METTL22: variants seen among roughly 807,000 people sequenced by gnomAD.
The protein encoded by METTL22 is methyltransferase 22, Kin17 lysine, also known as methyltransferase-like protein 22.
Under a neutral mutation model 48.4 loss-of-function variants are expected in METTL22, and 51 were observed. The ratio of observed to expected loss-of-function variants is 1.05; its 90% CI spans 0.84 to 1.33. The LOEUF is 1.33. Among genes scored for constraint, METTL22 ranks in the 40% most tolerant of loss-of-function variants. The pLI is 0.00. For synonymous variants in METTL22, 255 were observed against 214.1 expected, an observed-to-expected ratio of 1.19 and a Z score of -1.67; for missense variants, 678 against 526.9, an observed-to-expected ratio of 1.29 and a Z score of -2.81.
chr16:8,664,348 G>T, the METTL22 span, among the ~76,000 whole-genome samples: 8 of 152,088 alleles, frequency 5.3e-5, no homozygotes, highest in Non-Finnish European at 1.2e-4. Flanking sequence ...GTTTCACCAT[G>T]TTGGCCAGGC....
rs577765283 is a variant in METTL22, at chr16:8,635,255, G to C, written c.643G>C (p.Gly215Arg). The C allele has an allele frequency of 1.9e-6, 3 of 1,608,224 alleles. No individual in the cohort carries two copies. In the South Asian group the frequency reaches 3.3e-5, roughly 18 times the overall value. The change falls in exon 5 of 11, where the codon GGC becomes CGC. Residue 215 changes from glycine to arginine, a missense_variant. Physicochemically the swap from Gly to Arg is moderately radical, Grantham distance 125 (BLOSUM62 -2). Transcript: ENST00000381920. The part of the protein sequence containing the change: ...RGCTALELGA[G>R]TGLASIIAAT... Reference sequence around the variant, plus strand: ...ATGTACAGCGCTGGAGCTCGGGGCCGGCACGGGGCTCGCTAGCATCATCGC... The same window carrying C: ...ATGTACAGCGCTGGAGCTCGGGGCCCGCACGGGGCTCGCTAGCATCATCGC...
chr16:8,641,719 G>C (rs1027571444), intron 7 of METTL22: 2 of 391,190 alleles, frequency 5.1e-6, no homozygotes, highest in Non-Finnish European at 9.7e-6. Flanking sequence ...AGCACTTTGC[G>C]CACCGTAGGC....
intron 6 of METTL22, 102 bp from the exon 7 acceptor site, chr16:8,641,029 G>C: frequency 1.8e-6 from 2 of 1,083,512 alleles, no homozygotes; most frequent in South Asian, 2.7e-5. Flanking sequence ...AGCAAGGGTG[G>C]GTGGGTGGAT....
chr16:8,643,889 C>T (rs1335818802), intron 9 of METTL22, among the ~76,000 whole-genome samples: 4 of 152,216 alleles, frequency 2.6e-5, no homozygotes, highest in Non-Finnish European at 5.9e-5. Flanking sequence ...ACTGAGATTA[C>T]AGGTGGGAGC....
At chr16:8,651,601 C>T (rs1031661086), downstream of METTL22, among the ~76,000 whole-genome samples, 4 of 152,030 alleles carry the variant, frequency 2.6e-5, no homozygotes, top group South Asian at 4.1e-4. Flanking sequence ...AGCAATCTCT[C>T]CCTCTCTCTA....
intron 6 of METTL22, among the ~76,000 whole-genome samples, chr16:8,640,894 A>AGTTGGGTGGGTGGG (rs1457644420): frequency 4.6e-4 from 4 of 8,718 alleles, no homozygotes; most frequent in Admixed American, 1.6e-3. Context: ...GGGTGGGTGA[A>AGTTGGGTGGGTGGG]TGGATGGATG....
the METTL22 span, among the ~76,000 whole-genome samples, chr16:8,654,857 G>C: frequency 1.7e-4 from 26 of 152,264 alleles, no homozygotes; most frequent in Admixed American, 1.4e-3. Context: ...GGGGAGTGTG[G>C]CCGTGATCTG....
chr16:8,637,554 C>G (rs1045145498), intron 5 of METTL22, among the ~76,000 whole-genome samples: 3 of 152,264 alleles, frequency 2.0e-5, no homozygotes, highest in Non-Finnish European at 4.4e-5. Flanking sequence ...GGGTTCCTAT[C>G]TCTGTTGTCC....
intron 5 of METTL22, among the ~76,000 whole-genome samples, chr16:8,638,276 C>T (rs1251100514): frequency 1.3e-5 from 2 of 152,192 alleles, no homozygotes; most frequent in Non-Finnish European, 2.9e-5. Context: ...TGTGTGACCC[C>T]TGGGGTGCAG....
intron 4 of METTL22, 34 bp from the exon 5 acceptor site, chr16:8,635,134 C>G (rs377271418): frequency 1.2e-6 from 2 of 1,613,708 alleles, no homozygotes; most frequent in Non-Finnish European, 1.7e-6. Context: ...CAGAGCCTCA[C>G]GCTGCTTGTC....
chr16:8,660,818 G>A, the METTL22 span, among the ~76,000 whole-genome samples: 1 of 7,210 alleles, frequency 1.4e-4, no homozygotes, highest in Admixed American at 1.8e-3. Context: ...GGAGGAGGAG[G>A]AGGAGGAGGA....
intron 9 of METTL22, chr16:8,642,930 T>C (rs2056668727): frequency 4.1e-6 from 1 of 241,648 alleles, no homozygotes; most frequent in Non-Finnish European, 8.3e-6. Flanking sequence ...ATGTTCTCTC[T>C]GTGGTGCCGT....
At chr16:8,644,447 C>T (rs891083770) in intron 9 of METTL22, 110 bp from the exon 10 acceptor site, 11 of 1,116,852 alleles carry the variant, frequency 9.8e-6, no homozygotes, top group African/African-American at 1.6e-5. Flanking sequence ...AGTAAAAGCC[C>T]GTCCAGGGGA....
At chr16:8,641,895 C>G (rs2056630335) in intron 7 of METTL22, 1 of 592,772 alleles carries the variant, frequency 1.7e-6, no homozygotes, top group Non-Finnish European at 3.0e-6. Flanking sequence ...CCGCCCGCTG[C>G]TCACTGGCTA....
chr16:8,624,912 C>T (rs886899922), intron 1 of METTL22, among the ~76,000 whole-genome samples: 1 of 151,790 alleles, frequency 6.6e-6, no homozygotes, highest in African/African-American at 2.4e-5. Context: ...AGCTTTATAA[C>T]AACAAATGAT....
chr16:8,646,027 G>GACTGCTCCGTGGCTGACGT, intron 10 of METTL22, 81 bp from the exon 11 acceptor site: 1 of 1,586,918 alleles, frequency 6.3e-7, no homozygotes, highest in Non-Finnish European at 8.6e-7. Context: ...TACTCTCCTT[G>GACTGCTCCGTGGCTGACGT]GTGAATCACT....
intron 7 of METTL22, chr16:8,641,550 G>T (rs1192869538): frequency 4.0e-6 from 2 of 496,506 alleles, no homozygotes; most frequent in African/African-American, 3.9e-5. Flanking sequence ...ACAAACAGTG[G>T]TGCCAGGAAA....
intron 1 of METTL22, among the ~76,000 whole-genome samples, chr16:8,622,151 C>T (rs1013777207): frequency 9.9e-5 from 15 of 152,242 alleles, no homozygotes; most frequent in African/African-American, 3.1e-4. Context: ...CCACTCTACG[C>T]ACCGTGGCCA....
At chr16:8,629,170 C>T (rs916054338) in intron 3 of METTL22, 60 bp downstream of exon 3, 28 of 1,566,582 alleles carry the variant, frequency 1.8e-5, no homozygotes, top group Non-Finnish European at 2.3e-5. Flanking sequence ...TGTCACTGCT[C>T]AGGGCTCAGT....
Sources: gnomAD v4.1 joint callset for allele counts (sites outside exome capture counted in the v4.1 genomes callset) on GRCh38, gnomAD v4.1.1 for gene constraint, MANE v1.5 for transcripts, NCBI Gene and HGNC (gene_info 2026-07-23, HGNC 2026-07-21) for gene names.